Variants in EFCAB6 observed in about 807,000 individuals in gnomAD.
EFCAB6 encodes EF-hand calcium-binding domain-containing protein 6.
In EFCAB6, 156 loss-of-function variants were observed where a neutral mutation model predicts 169.8. The observed-to-expected ratio is 0.92, with a 90% CI of 0.81 to 1.05. EFCAB6 has a LOEUF of 1.05. EFCAB6 is among the 50% of genes least tolerant of loss of function. The probability of loss-of-function intolerance (pLI) is 0.00; values close to 1 mark genes in which losing one functional copy is unlikely to be tolerated. For missense variants in EFCAB6, 1,800 were observed against 1,829.1 expected, an observed-to-expected ratio of 0.98 and a Z score of 0.29; for synonymous variants, 698 against 676.4, an observed-to-expected ratio of 1.03 and a Z score of -0.50.
At chr22:43,574,187 T>C (rs1340082184) in intron 26 of EFCAB6, among the ~76,000 whole-genome samples, 3 of 152,150 alleles carry the variant, frequency 2.0e-5, no homozygotes, top group East Asian at 1.9e-4. Flanking sequence ...CAATGTTATA[T>C]AGACCTTTTG....
At chr22:43,612,195 T>A (rs1306258820) in intron 21 of EFCAB6, among the ~76,000 whole-genome samples, 3 of 152,156 alleles carry the variant, frequency 2.0e-5, no homozygotes, top group African/African-American at 7.2e-5. Flanking sequence ...ATAAAAGACT[T>A]AAACGTCAAA....
chr22:43,752,509 C>G (rs1001942252), intron 6 of EFCAB6, among the ~76,000 whole-genome samples: 1 of 152,196 alleles, frequency 6.6e-6, no homozygotes, highest in Non-Finnish European at 1.5e-5. Context: ...TAGGAGGGAG[C>G]CCAGTGGCCA....
intron 12 of EFCAB6, 141 bp downstream of exon 12, chr22:43,683,606 T>A: frequency 1.5e-6 from 1 of 670,320 alleles, no homozygotes; most frequent in Non-Finnish European, 2.6e-6. Context: ...TCAGAATAAT[T>A]CCCAGCATGT....
rs1186378037 is a variant in EFCAB6 at position 43,600,266 on chromosome 22, TAAAACAAAAAC to T, written c.2682-14_2682-4del. 6.2e-7 allele frequency: 1 copy of T among 1,612,848 alleles called. No homozygotes were observed. Among genetic ancestry groups the T allele is most frequent in the Non-Finnish European group, 8.5e-7 (1 of 1,179,592 alleles). On this transcript the variant is annotated splice_polypyrimidine_tract_variant and splice_region_variant and intron_variant, in intron 22 of 31. Transcript: ENST00000262726. ...GCCCTTTTCCCTCGGTGTCGTATCTTAAAACAAAAACAAAAACAGAAAGCACTTCTCAGTAG... is the reference window on the plus strand; with the variant it reads ...GCCCTTTTCCCTCGGTGTCGTATCTTAAAAACAGAAAGCACTTCTCAGTAG...
intron 7 of EFCAB6, among the ~76,000 whole-genome samples, chr22:43,732,839 C>T (rs1170716995): frequency 6.6e-6 from 1 of 152,018 alleles, no homozygotes; most frequent in African/African-American, 2.4e-5. Context: ...ATTATTCAAG[C>T]CTTCCACCTG....
chr22:43,773,232 G>T, intron 3 of EFCAB6, 129 bp from the exon 4 acceptor site: 1 of 846,992 alleles, frequency 1.2e-6, no homozygotes, highest in Non-Finnish European at 1.8e-6. Context: ...CTAGGTTTAC[G>T]TGTATCACCG....
intron 2 of EFCAB6, among the ~76,000 whole-genome samples, chr22:43,782,872 G>A (rs1157865113): frequency 6.6e-6 from 1 of 152,154 alleles, no homozygotes; most frequent in Non-Finnish European, 1.5e-5. Flanking sequence ...CAAAATGGCT[G>A]AATCTCAATA....
intron 21 of EFCAB6, 23 bp downstream of exon 21, chr22:43,615,803 T>C (rs1039866660): frequency 1.3e-6 from 2 of 1,587,934 alleles, no homozygotes; most frequent in South Asian, 1.1e-5. Flanking sequence ...TCTTTCCTTT[T>C]AAGGAAATAA....
chr22:43,548,539 CAAAAAAAAAAAAAAA>C lies in EFCAB6; in HGVS notation c.3648+6315_3648+6329del, dbSNP rs397868076. ...TGGGTGACAGAGCGAGAATCCATCT[CAAAAAAAAAAAAAAA>C]AAAAAAAAAAAAAAAAGGTCAACTC... On this transcript the variant is annotated intron_variant, in intron 27 of 31. Coordinates refer to ENST00000262726, the MANE Select transcript of EFCAB6 (RefSeq NM_022785.4). Among the ~76,000 whole-genome samples the C allele has an allele frequency of 2.2e-3, 80 of 36,754 alleles. 1 individual carries two copies. Among genetic ancestry groups the C allele is most frequent in the East Asian group, 7.1e-3 (7 of 992 alleles). The allele number at this position is 36,754 out of a possible 152,430, so 24.1% of individuals were successfully genotyped here. A position where few individuals can be genotyped will look rare whatever the true frequency, so the allele number is the denominator to read the frequency against.
chr22:43,798,011 A>G (rs1169705644), intron 2 of EFCAB6, among the ~76,000 whole-genome samples: 1 of 152,144 alleles, frequency 6.6e-6, no homozygotes, highest in East Asian at 1.9e-4. Context: ...CATCAGGATC[A>G]CCTGGACAGC....
intron 10 of EFCAB6, among the ~76,000 whole-genome samples, chr22:43,691,720 C>A (rs759818876): frequency 2.2e-4 from 33 of 152,032 alleles, no homozygotes; most frequent in Non-Finnish European, 3.8e-4. Flanking sequence ...AGTGCTTATA[C>A]AAATTAATAA....
At chr22:43,742,848 T>G (rs1021693794) in intron 6 of EFCAB6, among the ~76,000 whole-genome samples, 1 of 152,166 alleles carries the variant, frequency 6.6e-6, no homozygotes, top group African/African-American at 2.4e-5. Flanking sequence ...ACCCTCTAGG[T>G]GTCCTTAGAG....
intron 12 of EFCAB6, among the ~76,000 whole-genome samples, chr22:43,682,744 G>A (rs1043625707): frequency 6.6e-6 from 1 of 152,202 alleles, no homozygotes; most frequent in Non-Finnish European, 1.5e-5. Context: ...GATTTAGTGA[G>A]TGTATATATC....
intron 5 of EFCAB6, among the ~76,000 whole-genome samples, chr22:43,757,474 G>C (rs192581301): frequency 1.3e-5 from 2 of 151,104 alleles, no homozygotes; most frequent in Non-Finnish European, 3.0e-5. Context: ...TTGAACCCGG[G>C]AGGCAGAGGT....
intron 21 of EFCAB6, among the ~76,000 whole-genome samples, chr22:43,614,889 C>T (rs1444013397): frequency 1.3e-5 from 2 of 150,472 alleles, no homozygotes; most frequent in Non-Finnish European, 3.0e-5. Context: ...ACAGACAGTC[C>T]ACTCTATGGA....
intron 6 of EFCAB6, among the ~76,000 whole-genome samples, chr22:43,738,275 T>C (rs1159002090): frequency 2.1e-5 from 3 of 141,236 alleles, no homozygotes; most frequent in East Asian, 4.4e-4. Flanking sequence ...CATGCACATA[T>C]ACACACACAC....
chr22:43,723,865 C>T (rs560535545), intron 8 of EFCAB6, among the ~76,000 whole-genome samples: 4 of 152,314 alleles, frequency 2.6e-5, no homozygotes, highest in African/African-American at 7.2e-5. Flanking sequence ...CGGAGATGGC[C>T]CTGGGCAGCA....
At chr22:43,748,607 T>C (rs1281560449) in intron 6 of EFCAB6, among the ~76,000 whole-genome samples, 1 of 152,168 alleles carries the variant, frequency 6.6e-6, no homozygotes. Context: ...CTTTCTTTAT[T>C]CATACAATAA....
At position 43,626,439 on chromosome 22, in the gene EFCAB6, C is replaced by T; in HGVS notation, c.2465+8G>A. Reference sequence around the variant, plus strand: ...TATTAAAGACACAGACCCGTGCTGCCTTCTTACCTAATGAGTCTTTGAGGC... The same window carrying T: ...TATTAAAGACACAGACCCGTGCTGCTTTCTTACCTAATGAGTCTTTGAGGC... On this transcript the variant is annotated splice_region_variant and intron_variant, in intron 20 of 31. Transcript: ENST00000262726. The T allele has an allele frequency of 6.2e-7, 1 of 1,613,660 alleles. No homozygotes were observed. The highest frequency in any genetic ancestry group is 1.3e-5 in the African/African-American group (1 of 75,022).
Sources: gnomAD v4.1 joint callset for allele counts (sites outside exome capture counted in the v4.1 genomes callset) on GRCh38, gnomAD v4.1.1 for gene constraint, MANE v1.5 for transcripts, NCBI Gene and HGNC (gene_info 2026-07-23, HGNC 2026-07-21) for gene names.